ABCA13: variants seen among roughly 807,000 people sequenced by gnomAD.
ABCA13 encodes the protein ATP binding cassette subfamily A member 13.
In ABCA13, 476 loss-of-function variants were observed where a neutral mutation model predicts 478.7. The ratio of observed to expected loss-of-function variants is 0.99; its 90% CI spans 0.92 to 1.07. The LOEUF (loss-of-function observed/expected upper bound fraction) is 1.07, where lower values mean the gene tolerates loss of function less well. Ranked by LOEUF, ABCA13 falls within the 50% of genes least tolerant of loss-of-function variation. The probability of loss-of-function intolerance (pLI) is 0.00; values close to 1 mark genes in which losing one functional copy is unlikely to be tolerated. For missense variants in ABCA13, 6,060 were observed against 5,910.6 expected, an observed-to-expected ratio of 1.03 and a Z score of -0.83; for synonymous variants, 2,252 against 2,158.9, an observed-to-expected ratio of 1.04 and a Z score of -1.20.
rs780272853 is a variant in ABCA13 at position 48,643,411 on chromosome 7, T to C, written c.14943+18T>C. 2.6e-6 allele frequency: 4 copies of C among 1,550,710 alleles called. No homozygotes were observed. Among genetic ancestry groups the C allele is most frequent in the Non-Finnish European group, 3.5e-6 (4 of 1,127,452 alleles). On this transcript the variant is annotated intron_variant, in intron 60 of 61. Coordinates refer to ENST00000435803, the MANE Select transcript of ABCA13 (RefSeq NM_152701.5). ...AGTTCAAGGTAGTGCTAATATCTTG[T>C]ATTATTTCTTTGTTTTCAGCTAAAA...
chr7:48,595,245 TCACAG>T (rs1243328446), intron 58 of ABCA13, among the ~76,000 whole-genome samples: 3 of 152,216 alleles, frequency 2.0e-5, no homozygotes, highest in Non-Finnish European at 1.5e-5. Flanking sequence ...ATTTTCTTTA[TCACAG>T]AATTAAGTTT....
intron 59 of ABCA13, among the ~76,000 whole-genome samples, chr7:48,623,321 C>T (rs1219387437): frequency 2.0e-5 from 3 of 152,140 alleles, no homozygotes; most frequent in South Asian, 4.1e-4. Context: ...TTTATTTCTT[C>T]GTTATCCTTT....
chr7:48,558,759 G>C (rs143729269), intron 55 of ABCA13, among the ~76,000 whole-genome samples: 12 of 152,222 alleles, frequency 7.9e-5, no homozygotes, highest in Non-Finnish European at 1.8e-4. Context: ...TATGTGAAAG[G>C]TCACATATCT....
intron 42 of ABCA13, 77 bp from the exon 43 acceptor site, chr7:48,454,960 C>T: frequency 7.0e-7 from 1 of 1,424,416 alleles, no homozygotes; most frequent in Non-Finnish European, 9.2e-7. Context: ...GCAGGGTCAC[C>T]GAGAGGGCAA....
intron 41 of ABCA13, among the ~76,000 whole-genome samples, chr7:48,415,807 A>G (rs1395925302): frequency 6.6e-6 from 1 of 152,236 alleles, no homozygotes; most frequent in Non-Finnish European, 1.5e-5. Context: ...TTTGTTAATT[A>G]TTGTGGCATA....
intron 1 of ABCA13, among the ~76,000 whole-genome samples, chr7:48,181,568 T>A (rs1795700813): frequency 1.3e-5 from 2 of 151,944 alleles, no homozygotes; most frequent in Non-Finnish European, 1.5e-5. Flanking sequence ...TTTTTTTTTT[T>A]AAGTCTCAAT....
intron 41 of ABCA13, among the ~76,000 whole-genome samples, chr7:48,416,682 C>G (rs749747647): frequency 6.6e-6 from 1 of 152,076 alleles, no homozygotes; most frequent in South Asian, 2.1e-4. Flanking sequence ...CTCCTGCAGG[C>G]GCTCCCAGAG....
chr7:48,480,275 C>T (rs954534657), intron 45 of ABCA13, among the ~76,000 whole-genome samples: 1 of 152,212 alleles, frequency 6.6e-6, no homozygotes, highest in Admixed American at 6.5e-5. Flanking sequence ...TTTCATTCTC[C>T]TCAGCTGCAG....
intron 29 of ABCA13, among the ~76,000 whole-genome samples, chr7:48,341,160 C>T (rs189406079): frequency 1.8e-4 from 28 of 152,262 alleles, no homozygotes; most frequent in Non-Finnish European, 3.8e-4. Context: ...CCCTTATTTA[C>T]CATGTTTCCC....
rs1307532783 is a variant in ABCA13, at chr7:48,310,022, C to T, written c.9397C>T (p.Pro3133Ser). The change falls in exon 24 of 62, where the codon CCC becomes TCC. Residue 3133 changes from proline (P) to serine (S), a missense_variant. This residue lies in a region of ABCA13 where 4,423 missense variants were observed against 4,309.1 expected (regional missense o/e 1.03). Coordinates refer to ENST00000435803, the MANE Select transcript of ABCA13 (RefSeq NM_152701.5). ...AATCCTTCATCTCCTGCTGACATTTCCCAAAGGGGAAAAATCTTGGATCGC... is the reference window on the plus strand; with the variant it reads ...AATCCTTCATCTCCTGCTGACATTTTCCAAAGGGGAAAAATCTTGGATCGC... ...QEILHLLLTF[P>S]KGEKSWIAAE... 2 of 1,613,840 alleles carry T rather than the reference C, an allele frequency of 1.2e-6. No individual in the cohort carries two copies. The highest frequency in any genetic ancestry group is 2.7e-5 in the African/African-American group (2 of 74,928).
chr7:48,613,750 A>C (rs986314155), intron 58 of ABCA13, among the ~76,000 whole-genome samples: 1 of 150,204 alleles, frequency 6.7e-6, no homozygotes, highest in Middle Eastern at 3.6e-3. Context: ...CCTTTCACTA[A>C]GTAATTTTAA....
intron 58 of ABCA13, among the ~76,000 whole-genome samples, chr7:48,604,357 T>C (rs991173931): frequency 6.6e-6 from 1 of 152,208 alleles, no homozygotes; most frequent in Non-Finnish European, 1.5e-5. Context: ...AGCTTTCTCT[T>C]GTGGGCATTT....
chr7:48,603,620 AT>A (rs1421787650), intron 58 of ABCA13: 2 of 157,652 alleles, frequency 1.3e-5, no homozygotes, highest in Non-Finnish European at 2.8e-5. Flanking sequence ...GTGCTGCTGG[AT>A]TCAGTTTGTC....
chr7:48,444,116 G>T (rs1319995389), intron 42 of ABCA13, among the ~76,000 whole-genome samples: 2 of 152,128 alleles, frequency 1.3e-5, no homozygotes, highest in African/African-American at 4.8e-5. Context: ...AGAATTCATT[G>T]CTCTCTGTTT....
At chr7:48,306,084 C>T (rs77834694) in intron 23 of ABCA13, among the ~76,000 whole-genome samples, 6,275 of 152,256 alleles carry the variant, frequency 0.041, 195 homozygotes, top group Non-Finnish European at 0.061. Context: ...AACGAACGAA[C>T]GCAATACAAT....
chr7:48,493,620 AATT>A (rs1830027884), intron 48 of ABCA13, among the ~76,000 whole-genome samples: 1 of 152,178 alleles, frequency 6.6e-6, no homozygotes, highest in Non-Finnish European at 1.5e-5. Flanking sequence ...TACTTATTGA[AATT>A]TCATCCAAAC....
chr7:48,561,137 C>T (rs2178086), intron 55 of ABCA13, among the ~76,000 whole-genome samples: 21,073 of 151,808 alleles, frequency 0.14, 1,834 homozygotes, highest in African/African-American at 0.23. Context: ...CTTTATTTAT[C>T]CATCCCTTGA....
At chr7:48,389,421 C>A (rs1324173729) in intron 37 of ABCA13, among the ~76,000 whole-genome samples, 1 of 152,172 alleles carries the variant, frequency 6.6e-6, no homozygotes, top group African/African-American at 2.4e-5. Context: ...CGCACAGGTG[C>A]ACTGTAGGCC....
chr7:48,490,326 T>C (rs950796371), intron 48 of ABCA13, among the ~76,000 whole-genome samples: 1 of 152,220 alleles, frequency 6.6e-6, no homozygotes, highest in East Asian at 1.9e-4. Context: ...ACATCCATGG[T>C]CTTATCTGAT....
Sources: allele counts gnomAD v4.1 joint callset (sites outside exome capture counted in the v4.1 genomes callset), GRCh38; gene constraint gnomAD v4.1.1; regional missense constraint gnomAD v4.1.1; transcripts MANE v1.5; gene names NCBI Gene and HGNC (gene_info 2026-07-23, HGNC 2026-07-21).